The following KCNQ3 variants were observed in gnomAD, a reference collection of about 807,000 sequenced individuals.
KCNQ3 encodes the protein potassium voltage-gated channel subfamily KQT member 3.
KCNQ3 carries 30 observed loss-of-function variants against 92.5 expected under a neutral mutation model. That is an observed-to-expected ratio of 0.32 (90% CI 0.24 to 0.44). The LOEUF is 0.44. Among genes scored for constraint, KCNQ3 ranks in the 20% least tolerant of loss-of-function variants. KCNQ3 has a pLI of 1.00. For synonymous variants in KCNQ3, 450 were observed against 468.8 expected (o/e 0.96, Z 0.52); for missense variants, 913 against 1,140.3 (o/e 0.80, Z 2.87).
intron 1 of KCNQ3, among the ~76,000 whole-genome samples, chr8:132,380,006 T>C (rs1819703906): frequency 6.6e-6 from 1 of 152,034 alleles, no homozygotes; most frequent in South Asian, 2.1e-4. Flanking sequence ...CCACAATGTA[T>C]AGATATACAA....
chr8:132,233,924 C>T (rs1375444204), intron 1 of KCNQ3, among the ~76,000 whole-genome samples: 2 of 152,028 alleles, frequency 1.3e-5, no homozygotes, highest in Non-Finnish European at 2.9e-5. Context: ...CTAATTTGAC[C>T]TGTGGGGAAA....
chr8:132,308,373 A>G (rs943833061), intron 1 of KCNQ3, among the ~76,000 whole-genome samples: 5 of 152,158 alleles, frequency 3.3e-5, no homozygotes, highest in African/African-American at 1.2e-4. Flanking sequence ...TTAGAGAGGG[A>G]TGGATGGAGG....
intron 1 of KCNQ3, among the ~76,000 whole-genome samples, chr8:132,376,953 T>A (rs1002052608): frequency 1.3e-5 from 2 of 152,158 alleles, no homozygotes; most frequent in African/African-American, 4.8e-5. Context: ...AGGAAGAGAC[T>A]GAGCTATGAA....
intron 13 of KCNQ3, among the ~76,000 whole-genome samples, chr8:132,132,533 T>C (rs1824918044): frequency 6.6e-6 from 1 of 152,266 alleles, no homozygotes; most frequent in South Asian, 2.1e-4. Flanking sequence ...CTTTGCTTTG[T>C]GTTAAACATT....
intron 1 of KCNQ3, among the ~76,000 whole-genome samples, chr8:132,457,416 T>A (rs1821966862): frequency 6.6e-6 from 1 of 152,172 alleles, no homozygotes; most frequent in Admixed American, 6.5e-5. Context: ...TCTTGTTTCA[T>A]CCTCTCACCA....
At chr8:132,473,180 G>T (rs1466997581) in intron 1 of KCNQ3, among the ~76,000 whole-genome samples, 1 of 152,126 alleles carries the variant, frequency 6.6e-6, no homozygotes, top group African/African-American at 2.4e-5. Context: ...AAAAAGGTGA[G>T]GACTGATTGA....
At position 132,123,031 on chromosome 8, in the gene KCNQ3, C is replaced by T. The variant is rs1261446058; in HGVS notation, c.*6231G>A. ...GGACCCAAGCTGTGTTCAAATGAGA[C>T]CCAGAGATCCCAGTGCAAAGGGACA... is the stretch of plus-strand genomic sequence containing the variant. On this transcript the variant is annotated 3_prime_UTR_variant, in exon 15 of 15. Coordinates refer to ENST00000388996, the MANE Select transcript of KCNQ3 (RefSeq NM_004519.4). 6.6e-6 allele frequency: 1 copy of T among 152,116 alleles called. No homozygotes were observed. The highest frequency in any genetic ancestry group is 1.5e-5 in the Non-Finnish European group (1 of 68,030). The allele number at this position is 152,116 out of a possible 1,614,324, so 9.4% of individuals were successfully genotyped here. A position where few individuals can be genotyped will look rare whatever the true frequency, so the allele number is the denominator to read the frequency against.
At chr8:132,250,603 A>G (rs1421070867) in intron 1 of KCNQ3, among the ~76,000 whole-genome samples, 4 of 152,192 alleles carry the variant, frequency 2.6e-5, no homozygotes, top group African/African-American at 9.7e-5. Context: ...CTAGTTGTAC[A>G]GCACATGAAC....
At chr8:132,172,123 G>A (rs1183218550) in intron 7 of KCNQ3, among the ~76,000 whole-genome samples, 1 of 151,928 alleles carries the variant, frequency 6.6e-6, no homozygotes, top group East Asian at 1.9e-4. Flanking sequence ...GGAGATGGAG[G>A]CTGCAGTGAG....
chr8:132,479,014 T>G (rs747765063), intron 1 of KCNQ3, among the ~76,000 whole-genome samples: 24 of 152,106 alleles, frequency 1.6e-4, no homozygotes, highest in South Asian at 6.2e-4. Context: ...GGCAATTCCC[T>G]GCCAAAACCC....
chr8:132,298,760 T>A (rs1222444690), intron 1 of KCNQ3, among the ~76,000 whole-genome samples: 1 of 151,942 alleles, frequency 6.6e-6, no homozygotes, highest in African/African-American at 2.4e-5. Context: ...AGTACAAAAA[T>A]TTGCTGGGCA....
intron 1 of KCNQ3, among the ~76,000 whole-genome samples, chr8:132,436,081 A>G (rs1382280654): frequency 6.6e-6 from 1 of 152,242 alleles, no homozygotes; most frequent in Non-Finnish European, 1.5e-5. Flanking sequence ...AGCATTAATT[A>G]TGGTCTATAA....
chr8:132,162,408 G>A (rs116009083), intron 9 of KCNQ3, among the ~76,000 whole-genome samples: 1,797 of 152,276 alleles, frequency 0.012, 36 homozygotes, highest in African/African-American at 0.041. Flanking sequence ...TACTCCTGGT[G>A]CTTATGGGGT....
rs1411581083 is a variant in KCNQ3, at chr8:132,125,553, G to T, written c.*3709C>A. The T allele has an allele frequency of 6.6e-6, 1 of 152,056 alleles. No individual in the cohort carries two copies. Among genetic ancestry groups the T allele is most frequent in the Non-Finnish European group, 1.5e-5 (1 of 67,990 alleles). 9.4% of individuals were successfully genotyped at this position (152,056 alleles called of 1,614,324 possible). ...AACCCTGTTAAATGAATAAACAAATGATTTTTTCTTTATTACACCCCCATT... is the reference window on the plus strand; with the variant it reads ...AACCCTGTTAAATGAATAAACAAATTATTTTTTCTTTATTACACCCCCATT... On this transcript the variant is annotated 3_prime_UTR_variant, in exon 15 of 15. Coordinates refer to ENST00000388996, the MANE Select transcript of KCNQ3 (RefSeq NM_004519.4).
At chr8:132,244,031 G>A (rs970644503) in intron 1 of KCNQ3, among the ~76,000 whole-genome samples, 2 of 152,132 alleles carry the variant, frequency 1.3e-5, no homozygotes, top group Non-Finnish European at 2.9e-5. Flanking sequence ...GGGTGTCCTA[G>A]ATGTCATTGT....
chr8:132,165,822 C>T (rs1041430471), intron 8 of KCNQ3, among the ~76,000 whole-genome samples: 35 of 152,334 alleles, frequency 2.3e-4, no homozygotes, highest in African/African-American at 8.2e-4. Context: ...CATTGACTCT[C>T]TTATTCTTTA....
intron 1 of KCNQ3, among the ~76,000 whole-genome samples, chr8:132,196,815 A>G (rs1211886769): frequency 6.6e-6 from 1 of 152,226 alleles, no homozygotes; most frequent in Non-Finnish European, 1.5e-5. Flanking sequence ...ACTTGATTTC[A>G]GACCTCAGCT....
chr8:132,395,541 A>G (rs1820170006), intron 1 of KCNQ3, among the ~76,000 whole-genome samples: 2 of 152,214 alleles, frequency 1.3e-5, no homozygotes, highest in East Asian at 1.9e-4. Context: ...TTAAAACTCA[A>G]CCAAACATCT....
Position 132,477,007 on chromosome 8 carries a change from T to A in KCNQ3, c.386+3140A>T, listed in dbSNP as rs1822427930. ...TAGAAGTTTCAGGAGATCTGGTTGT[T>A]TGATAAGTGTGTGGCTCTTCCCCTT... On this transcript the variant is annotated intron_variant, in intron 1 of 14. Coordinates refer to ENST00000388996, the MANE Select transcript of KCNQ3 (RefSeq NM_004519.4). 2.0e-5 allele frequency among the ~76,000 whole-genome samples: 3 copies of A among 152,100 alleles called. No individual in the cohort carries two copies. In the South Asian group the frequency reaches 6.2e-4, roughly 32 times the overall value.
Sources: allele counts gnomAD v4.1 joint callset (sites outside exome capture counted in the v4.1 genomes callset), GRCh38; gene constraint gnomAD v4.1.1; transcripts MANE v1.5; gene names NCBI Gene and HGNC (gene_info 2026-07-23, HGNC 2026-07-21).